The following REG1B variants were observed in gnomAD, a reference collection of about 807,000 sequenced individuals.
REG1B encodes the protein regenerating family member 1 beta, also known as lithostathine-1-beta.
Under a neutral mutation model 20.4 loss-of-function variants are expected in REG1B, and 21 were observed. The observed-to-expected ratio is 1.03, with a 90% CI of 0.73 to 1.48. REG1B has a LOEUF of 1.48. Among genes scored for constraint, REG1B ranks in the 40% most tolerant of loss-of-function variants. The pLI, the probability that REG1B is intolerant of heterozygous loss-of-function variation, is 0.00. For synonymous variants in REG1B, 82 were observed against 73.4 expected, an observed-to-expected ratio of 1.12 and a Z score of -0.60; for missense variants, 247 against 197.2, an observed-to-expected ratio of 1.25 and a Z score of -1.51.
intron 2 of REG1B, 106 bp from the exon 3 acceptor site, chr2:79,087,036 A>G (rs1337494439): frequency 2.3e-6 from 2 of 860,770 alleles, no homozygotes; most frequent in Non-Finnish European, 3.9e-6. Flanking sequence ...ACATATGGAT[A>G]CAGTGAATAC....
intron 4 of REG1B, chr2:79,086,013 T>C (rs1672394024): frequency 3.3e-6 from 1 of 299,816 alleles, no homozygotes; most frequent in Non-Finnish European, 6.3e-6. Context: ...GTATAACAAA[T>C]GCCAGCAGTA....
Position 79,087,597 on chromosome 2 carries a change from A to G in REG1B, c.16T>C (p.Ser6Pro). 3 of 1,613,912 alleles carry G rather than the reference A, an allele frequency of 1.9e-6. No individual in the cohort carries two copies. Among genetic ancestry groups the G allele is most frequent in the African/African-American group, 2.7e-5 (2 of 75,050 alleles). MAQTN[S>P]FFMLISSLMF... Reference sequence around the variant, plus strand: ...AGGGAGGAGATCAGCATGAAGAACGAGTTGGTCTGAGCCATGCTTAGCGGC... The same window carrying G: ...AGGGAGGAGATCAGCATGAAGAACGGGTTGGTCTGAGCCATGCTTAGCGGC... Residue 6 changes from serine to proline, a missense_variant, in exon 2 of 6, where the codon TCG becomes CCG. Transcript: ENST00000305089.
rs1392974182 is a variant in REG1B, at chr2:79,085,546, C to T, written c.379G>A (p.Gly127Arg). The T allele has an allele frequency of 3.1e-6, 5 of 1,613,844 alleles. No homozygotes were observed. The South Asian group carries it at 5.5e-5, about 18-fold the overall frequency. ...CCAGCATTAGCACTGCTCGGGGATCCAGTGTCCCAGGACTTGTAGGAGACC... is the reference window on the plus strand; with the variant it reads ...CCAGCATTAGCACTGCTCGGGGATCTAGTGTCCCAGGACTTGTAGGAGACC... ...SLVSYKSWDT[G>R]SPSSANAGYC... The change falls in exon 5 of 6, where the codon GGA becomes AGA. Residue 127 changes from glycine to arginine, a missense_variant. Transcript: ENST00000305089.
At chr2:79,087,814 C>G in intron 1 of REG1B, 145 bp downstream of exon 1, 1 of 470,690 alleles carries the variant, frequency 2.1e-6, no homozygotes, top group Non-Finnish European at 3.7e-6. Context: ...ATAACAGAGG[C>G]CAAATTACCC....
rs1672406620 is a variant in REG1B, at chr2:79,086,794, G to C, written c.183+18C>G. 6.2e-7 allele frequency: 1 copy of C among 1,605,556 alleles called. No individual in the cohort carries two copies. The highest frequency in any genetic ancestry group is 1.7e-5 in the Admixed American group (1 of 60,000). On this transcript the variant is annotated intron_variant, in intron 3 of 5. Transcript: ENST00000305089. ...TACCTTCATAAGCCTCCCTTCCCCT[G>C]CTGCTCTCCTCACTCACATCTGCAT... is the stretch of plus-strand genomic sequence containing the variant.
At position 79,085,453 on chromosome 2, in the gene REG1B, A is replaced by C. The variant is rs147708968; in HGVS notation, c.433+39T>G. 3.4e-5 allele frequency: 52 copies of C among 1,522,652 alleles called. No homozygotes were observed. The African/African-American group carries it at 4.9e-4, about 14-fold the overall frequency. The allele number at this position is 1,522,652 out of a possible 1,614,324, so 94.3% of individuals were successfully genotyped here. A position where few individuals can be genotyped will look rare whatever the true frequency, so the allele number is the denominator to read the frequency against. ...TGTTCATCCCCAGAGATAAGTGGGA[A>C]GGAAATGGCAACAGGTGGATAGATT... On this transcript the variant is annotated intron_variant, in intron 5 of 5. Transcript: ENST00000305089.
At position 79,085,046 on chromosome 2, in the gene REG1B, T is replaced by G; in HGVS notation, c.*170A>C. 1 of 605,360 alleles carries G rather than the reference T, an allele frequency of 1.7e-6. No homozygotes were observed. Among genetic ancestry groups the G allele is most frequent in the Non-Finnish European group, 3.0e-6 (1 of 337,348 alleles). The allele number at this position is 605,360 out of a possible 1,614,324, so 37.5% of individuals were successfully genotyped here. A position where few individuals can be genotyped will look rare whatever the true frequency, so the allele number is the denominator to read the frequency against. ...AACACTGGATAAAAATAAGTTTGTT[T>G]TTATTTTTCAGGGCTCTAGAGACTG... On this transcript the variant is annotated 3_prime_UTR_variant, in exon 6 of 6. Coordinates refer to ENST00000305089, the MANE Select transcript of REG1B (RefSeq NM_006507.4).
chr2:79,087,226 C>T (rs180862169), intron 2 of REG1B: 6 of 527,932 alleles, frequency 1.1e-5, no homozygotes, highest in African/African-American at 3.8e-5. Context: ...AAGTTTCTCT[C>T]GGTTTCCCTG....
At chr2:79,085,415 A>T in intron 5 of REG1B, 77 bp downstream of exon 5, 1 of 1,392,958 alleles carries the variant, frequency 7.2e-7, no homozygotes, top group Non-Finnish European at 1.0e-6. Context: ...CCTTTCCTCT[A>T]TCCCAGTCCC....
chr2:79,087,259 A>C, intron 2 of REG1B: 1 of 537,442 alleles, frequency 1.9e-6, no homozygotes, highest in Non-Finnish European at 3.3e-6. Flanking sequence ...TTAGCTCTCC[A>C]TCCTAGCAAT....
chr2:79,086,322 C>T (rs1672398207), intron 4 of REG1B, 45 bp downstream of exon 4: 1 of 1,609,130 alleles, frequency 6.2e-7, no homozygotes. Context: ...TCCCTCTTAC[C>T]TCTCAAAAAT....
In REG1B at chr2:79,087,675, G is replaced by A; in HGVS notation, c.-46-17C>T. On this transcript the variant is annotated splice_polypyrimidine_tract_variant and intron_variant, in intron 1 of 5. Coordinates refer to ENST00000305089, the MANE Select transcript of REG1B (RefSeq NM_006507.4). ...CAGCAATCTCTGTAGGAGAACACAG[G>A]GAAGAGGGTTTGAAGAAGAGAGCAG... 6.5e-7 allele frequency: 1 copy of A among 1,527,800 alleles called. No homozygotes were observed. The highest frequency in any genetic ancestry group is 9.0e-7 in the Non-Finnish European group (1 of 1,108,666). 94.6% of individuals were successfully genotyped at this position (1,527,800 alleles called of 1,614,324 possible).
At position 79,086,444 on chromosome 2, in the gene REG1B, C is replaced by G; in HGVS notation, c.244G>C (p.Ala82Pro). 6.2e-7 allele frequency: 1 copy of G among 1,614,096 alleles called. No individual in the cohort carries two copies. Among genetic ancestry groups the G allele is most frequent in the Non-Finnish European group, 8.5e-7 (1 of 1,179,998 alleles). Residue 82 changes from alanine (A) to proline (P), a missense_variant, in exon 4 of 6, where the codon GCC becomes CCC. By Grantham distance (27) the Ala-to-Pro change is conservative (BLOSUM62 -1). Coordinates refer to ENST00000305089, the MANE Select transcript of REG1B (RefSeq NM_006507.4). ...TCCTTAATCAGTGAGGCCACGAAGG[C>G]ACCCTCCGCCTGGGTGAGCACAGAC... ...LVSVLTQAEG[A>P]FVASLIKESS...
intron 4 of REG1B, chr2:79,085,934 G>T: frequency 3.9e-6 from 1 of 258,586 alleles, no homozygotes; most frequent in Non-Finnish European, 7.4e-6. Flanking sequence ...AGTAGTCGTT[G>T]ATATATTATT....
Position 79,085,156 on chromosome 2 carries a change from T to A in REG1B, c.*60A>T. On this transcript the variant is annotated 3_prime_UTR_variant, in exon 6 of 6. Coordinates refer to ENST00000305089, the MANE Select transcript of REG1B (RefSeq NM_006507.4). Reference sequence around the variant, plus strand: ...ACTGAGTTGGAGACATAGTCTAGTTTAATTTTTGACTTCATAGTAATTGCA... The same window carrying A: ...ACTGAGTTGGAGACATAGTCTAGTTAAATTTTTGACTTCATAGTAATTGCA... 1.6e-6 allele frequency: 2 copies of A among 1,246,776 alleles called. No homozygotes were observed. Among genetic ancestry groups the A allele is most frequent in the Non-Finnish European group, 1.2e-6 (1 of 846,290 alleles). The allele number at this position is 1,246,776 out of a possible 1,614,324, so 77.2% of individuals were successfully genotyped here.
At chr2:79,085,335 C>T (rs1299957903) in intron 5 of REG1B, 52 bp from the exon 6 acceptor site, 1 of 1,432,152 alleles carries the variant, frequency 7.0e-7, no homozygotes, top group Non-Finnish European at 9.8e-7. Flanking sequence ...GAGTGTAGCC[C>T]CTCCTCAACC....
At chr2:79,087,340 C>G (rs1442330844) in intron 2 of REG1B, 2 of 581,884 alleles carry the variant, frequency 3.4e-6, no homozygotes, top group African/African-American at 3.7e-5. Flanking sequence ...CCACAATGGT[C>G]ACCTATAAGT....
intron 2 of REG1B, 66 bp from the exon 3 acceptor site, chr2:79,086,996 A>G: frequency 7.6e-7 from 1 of 1,313,356 alleles, no homozygotes; most frequent in Non-Finnish European, 1.1e-6. Context: ...TGGAAGGTGA[A>G]TTAGGGGCTT....
Position 79,086,861 on chromosome 2 carries a change from G to T in REG1B, c.134C>A (p.Ser45Tyr), listed in dbSNP as rs751772817. ...SCPEGTNAYR[S>Y]YCYYFNEDPE... ...GTCTTCATTAAAGTAGTAGCAGTAG[G>T]AGCGATAGGCATTGGTGCCTTCTGG... Residue 45 changes from serine (S) to tyrosine (Y), a missense_variant, in exon 3 of 6, where the codon TCC becomes TAC. Coordinates refer to ENST00000305089, the MANE Select transcript of REG1B (RefSeq NM_006507.4). 1.1e-5 allele frequency: 17 copies of T among 1,613,900 alleles called. No individual in the cohort carries two copies. The highest frequency in any genetic ancestry group is 1.2e-5 in the Non-Finnish European group (14 of 1,179,994).
Sources: allele counts gnomAD v4.1 joint callset, GRCh38; gene constraint gnomAD v4.1.1; transcripts MANE v1.5; gene names NCBI Gene and HGNC (gene_info 2026-07-23, HGNC 2026-07-21).